Variants in BFAR observed in about 807,000 individuals in gnomAD.
BFAR encodes bifunctional apoptosis regulator.
A neutral mutation model predicts 54.4 loss-of-function variants in BFAR; 52 were observed. The observed-to-expected ratio is 0.96, with a 90% CI of 0.77 to 1.21. The LOEUF is 1.21. Ranked by LOEUF, BFAR falls within the 50% of genes most tolerant of loss-of-function variation. The pLI, the probability that BFAR is intolerant of heterozygous loss-of-function variation, is 0.00. For synonymous variants in BFAR, 215 were observed against 204.3 expected (o/e 1.05, Z -0.45); for missense variants, 571 against 534.0 (o/e 1.07, Z -0.68).
chr16:14,665,922 T>G (rs1960429218), intron 7 of BFAR, among the ~76,000 whole-genome samples: 1 of 152,112 alleles, frequency 6.6e-6, no homozygotes, highest in Non-Finnish European at 1.5e-5. Flanking sequence ...CCAACTAGGA[T>G]AATAATAACT....
chr16:14,666,448 G>A (rs1044174000), intron 7 of BFAR, among the ~76,000 whole-genome samples: 2 of 152,130 alleles, frequency 1.3e-5, no homozygotes, highest in African/African-American at 4.8e-5. Flanking sequence ...GTGGGTGCCT[G>A]TAATCCCAGC....
At chr16:14,641,206 C>T (rs1010497104) in intron 1 of BFAR, among the ~76,000 whole-genome samples, 20 of 152,134 alleles carry the variant, frequency 1.3e-4, no homozygotes, top group African/African-American at 4.6e-4. Context: ...GAATGGAGCA[C>T]CAGGGGTAGG....
intron 1 of BFAR, among the ~76,000 whole-genome samples, chr16:14,637,564 A>G (rs1055100343): frequency 6.6e-6 from 1 of 152,130 alleles, no homozygotes; most frequent in Non-Finnish European, 1.5e-5. Flanking sequence ...GCGGGGTGCA[A>G]TGGCTCACGC....
intron 1 of BFAR, chr16:14,633,539 C>G (rs575341631): frequency 5.3e-5 from 8 of 152,368 alleles, no homozygotes; most frequent in African/African-American, 1.4e-4. Context: ...GTAGGGTGAC[C>G]GAAGCGCAGA....
At chr16:14,641,465 G>A (rs1394389626) in intron 1 of BFAR, among the ~76,000 whole-genome samples, 14 of 151,972 alleles carry the variant, frequency 9.2e-5, no homozygotes, top group Admixed American at 9.2e-4. Context: ...GGTGCAGGAG[G>A]GTGTGAACCC....
intron 3 of BFAR, among the ~76,000 whole-genome samples, chr16:14,649,568 C>T (rs1449841288): frequency 1.3e-5 from 2 of 152,174 alleles, no homozygotes; most frequent in Non-Finnish European, 2.9e-5. Flanking sequence ...GTCCTTTTCT[C>T]GCCTCTGTGC....
chr16:14,638,499 G>A (rs765479362), intron 1 of BFAR, among the ~76,000 whole-genome samples: 1 of 152,222 alleles, frequency 6.6e-6, no homozygotes, highest in Non-Finnish European at 1.5e-5. Flanking sequence ...ATAAATGTAT[G>A]TTGAGTGAAG....
Position 14,644,512 on chromosome 16 carries a change from C to T in BFAR, c.166C>T (p.His56Tyr), listed in dbSNP as rs1328588352. The change falls in exon 2 of 8, where the codon CAC becomes TAC. Residue 56 changes from histidine (H) to tyrosine (Y), a missense_variant. Transcript: ENST00000261658. ...GAACTGTGGGCACAGCTTCTGCCGT[C>T]ACTGCCTTGCTTTATGGTGGGCATC... ...TLNCGHSFCR[H>Y]CLALWWASSK... The T allele has an allele frequency of 6.2e-7, 1 of 1,614,020 alleles. No individual in the cohort carries two copies. The highest frequency in any genetic ancestry group is 8.5e-7 in the Non-Finnish European group (1 of 1,180,018).
chr16:14,651,062 C>T (rs956896308), intron 4 of BFAR, among the ~76,000 whole-genome samples: 1 of 152,206 alleles, frequency 6.6e-6, no homozygotes, highest in Non-Finnish European at 1.5e-5. Context: ...CTCCTGCACA[C>T]ACCCAGCAGG....
intron 1 of BFAR, among the ~76,000 whole-genome samples, chr16:14,636,696 C>G (rs934148969): frequency 5.3e-5 from 8 of 152,212 alleles, no homozygotes; most frequent in South Asian, 2.1e-4. Flanking sequence ...TTACGGGTGT[C>G]GGGCTGGGGG....
At chr16:14,633,244 C>G (rs953531213) in intron 1 of BFAR, 2 of 152,332 alleles carry the variant, frequency 1.3e-5, no homozygotes, top group Non-Finnish European at 2.9e-5. Context: ...TCCCGAGAGC[C>G]CCACGTCCGC....
At chr16:14,667,104 G>A (rs1567497912) in intron 7 of BFAR, among the ~76,000 whole-genome samples, 1 of 152,050 alleles carries the variant, frequency 6.6e-6, no homozygotes, top group Non-Finnish European at 1.5e-5. Context: ...TCGGGAGGTT[G>A]AGGTGGAGGA....
At chr16:14,653,068 CT>C (rs574737113) in intron 4 of BFAR, among the ~76,000 whole-genome samples, 170 of 152,308 alleles carry the variant, frequency 1.1e-3, no homozygotes, top group African/African-American at 3.9e-3. Context: ...AAAAATTTCT[CT>C]ACCTAGTTAG....
intron 1 of BFAR, among the ~76,000 whole-genome samples, chr16:14,641,775 C>T (rs1041938473): frequency 1.3e-4 from 19 of 151,218 alleles, no homozygotes; most frequent in African/African-American, 4.4e-4. Flanking sequence ...GCAGGAGAAT[C>T]GCTTGAACCC....
intron 2 of BFAR, among the ~76,000 whole-genome samples, chr16:14,645,449 AT>A (rs1451545108): frequency 6.6e-6 from 1 of 152,232 alleles, no homozygotes; most frequent in Non-Finnish European, 1.5e-5. Flanking sequence ...CATGTGTAGC[AT>A]CACAGTGCCA....
chr16:14,644,553 AT>A lies in BFAR; in HGVS notation c.208del (p.Cys70ValfsTer32). On this transcript the variant is annotated frameshift_variant, in exon 2 of 8. Coordinates refer to ENST00000261658, the MANE Select transcript of BFAR (RefSeq NM_016561.3). LOFTEE classifies it high-confidence loss of function. ...LWWASSKKTE[C>X]PECREKWEGF... is the part of the protein sequence containing the mutation. ...GGTGGGCATCTTCAAAGAAAACAGAATGTCCAGAATGCAGAGAAAAATGGGA... is the reference window on the plus strand; with the variant it reads ...GGTGGGCATCTTCAAAGAAAACAGAAGTCCAGAATGCAGAGAAAAATGGGA... 6.2e-7 allele frequency: 1 copy of A among 1,614,064 alleles called. No homozygotes were observed. The highest frequency in any genetic ancestry group is 8.5e-7 in the Non-Finnish European group (1 of 1,179,982).
chr16:14,656,636 C>G (rs1378184377), intron 5 of BFAR, among the ~76,000 whole-genome samples: 1 of 152,104 alleles, frequency 6.6e-6, no homozygotes, highest in African/African-American at 2.4e-5. Context: ...TTGTGAGACT[C>G]CAATGTTTGA....
intron 1 of BFAR, among the ~76,000 whole-genome samples, chr16:14,638,263 G>T (rs1268024607): frequency 6.6e-6 from 1 of 152,040 alleles, no homozygotes; most frequent in African/African-American, 2.4e-5. Flanking sequence ...CATGCCTATG[G>T]TCCCAGCTAC....
Position 14,668,877 on chromosome 16 carries a change from A to C in BFAR, c.*1050A>C, listed in dbSNP as rs1960517514. ...TCATCTGTAAAATAAATTCCGGGAT[A>C]GTCGTTTTGTTCAAGGAAATGTTTT... On this transcript the variant is annotated 3_prime_UTR_variant, in exon 8 of 8. Coordinates refer to ENST00000261658, the MANE Select transcript of BFAR (RefSeq NM_016561.3). 1 of 166,998 alleles carries C rather than the reference A, an allele frequency of 6.0e-6. No homozygotes were observed. Among genetic ancestry groups the C allele is most frequent in the African/African-American group, 2.4e-5 (1 of 41,696 alleles). 10.3% of individuals were successfully genotyped at this position (166,998 alleles called of 1,614,324 possible).
Sources: allele counts gnomAD v4.1 joint callset (sites outside exome capture counted in the v4.1 genomes callset), GRCh38; gene constraint gnomAD v4.1.1; transcripts MANE v1.5; gene names NCBI Gene and HGNC (gene_info 2026-07-23, HGNC 2026-07-21).